The following DKK2 variants were observed in gnomAD, a reference collection of about 807,000 sequenced individuals.
DKK2 encodes dickkopf Wnt signaling pathway inhibitor 2.
DKK2 carries 11 observed loss-of-function variants against 28.1 expected under a neutral mutation model. The ratio of observed to expected loss-of-function variants is 0.39; its 90% confidence interval spans 0.25 to 0.65. The LOEUF (loss-of-function observed/expected upper bound fraction) is 0.65. DKK2 is among the 30% of genes least tolerant of loss of function. DKK2 has a pLI of 0.47. For missense variants in DKK2, 326 were observed against 335.5 expected (o/e 0.97, Z 0.22); for synonymous variants, 135 against 126.5 (o/e 1.07, Z -0.45).
rs976929836 is a variant in DKK2, at chr4:107,013,597, A to G, written c.222+21773T>C. ...GAAATTATAAAACCACCAGGAAAAA[A>G]TGCAGGAGAAATGCTTTATGACATT... is the stretch of plus-strand genomic sequence containing the variant. On this transcript the variant is annotated intron_variant, in intron 1 of 3. Coordinates refer to ENST00000285311, the MANE Select transcript of DKK2 (RefSeq NM_014421.3). Among the ~76,000 whole-genome samples the G allele has an allele frequency of 5.9e-5, 9 of 151,728 alleles. 1 individual carries two copies. Among genetic ancestry groups the G allele is most frequent in the Admixed American group, 5.9e-4 (9 of 15,194 alleles).
intron 1 of DKK2, among the ~76,000 whole-genome samples, chr4:107,015,586 T>C (rs768374957): frequency 1.3e-4 from 20 of 151,750 alleles, no homozygotes; most frequent in Non-Finnish European, 2.5e-4. Flanking sequence ...ACTAATTCAT[T>C]GGAAATTAAT....
chr4:106,936,762 G>A (rs1313147766), intron 1 of DKK2, among the ~76,000 whole-genome samples: 2 of 152,254 alleles, frequency 1.3e-5, no homozygotes, highest in South Asian at 4.1e-4. Context: ...ACTAACAGCG[G>A]ATCTCTCAGC....
rs76384577 is a variant in DKK2, at chr4:107,026,869, A to G, written c.222+8501T>C. On this transcript the variant is annotated intron_variant, in intron 1 of 3. Transcript: ENST00000285311. ...AGCAAGAAATGGGGCTTAAAATTTTATAAAGCTAAAAGTAGATGGCTGCAT... is the reference window on the plus strand; with the variant it reads ...AGCAAGAAATGGGGCTTAAAATTTTGTAAAGCTAAAAGTAGATGGCTGCAT... 2.7e-3 allele frequency among the ~76,000 whole-genome samples: 414 copies of G among 152,308 alleles called. 3 individuals carry two copies. The highest frequency in any genetic ancestry group is 9.5e-3 in the African/African-American group (396 of 41,556).
intron 1 of DKK2, among the ~76,000 whole-genome samples, chr4:107,011,773 A>G (rs1291137884): frequency 3.3e-5 from 5 of 151,156 alleles, no homozygotes. Flanking sequence ...GTTTGTTGTC[A>G]CTAGTTTGAT....
chr4:107,035,776 T>C lies in DKK2; in HGVS notation c.-185A>G, dbSNP rs1479299070. On this transcript the variant is annotated 5_prime_UTR_variant, in exon 1 of 4. Coordinates refer to ENST00000285311, the MANE Select transcript of DKK2 (RefSeq NM_014421.3). The stretch of plus-strand genomic sequence containing the variant: ...TCAGTCTCACGCCTCAGGACAGAAA[T>C]TAGCGGAACCCAAGCGAGACCCGCT... The C allele has an allele frequency of 1.6e-6, 1 of 615,574 alleles. No individual in the cohort carries two copies. Among genetic ancestry groups the C allele is most frequent in the Non-Finnish European group, 2.8e-6 (1 of 352,108 alleles). 38.1% of individuals were successfully genotyped at this position (615,574 alleles called of 1,614,324 possible).
chr4:106,961,777 A>G (rs1004902288), intron 1 of DKK2, among the ~76,000 whole-genome samples: 1 of 152,150 alleles, frequency 6.6e-6, no homozygotes, highest in African/African-American at 2.4e-5. Context: ...CCACCACTTC[A>G]AAACTGTTGA....
At position 106,924,179 on chromosome 4, in the gene DKK2, T is replaced by G. The variant is rs1405642897; in HGVS notation, c.555A>C (p.Arg185=). ...IKGHEGDPCL[R]SSDCIEGFCC... ...AAAACCCTTCAATGCAGTCTGATGA[T>G]CGTAGGCAGGGGTCTCCTTCATGCC... The change falls in exon 4 of 4, where the codon CGA becomes CGC. Residue 185 remains arginine, a synonymous_variant. Transcript: ENST00000285311. 6.2e-7 allele frequency: 1 copy of G among 1,613,910 alleles called. No individual in the cohort carries two copies. Among genetic ancestry groups the G allele is most frequent in the Admixed American group, 1.7e-5 (1 of 59,988 alleles).
At chr4:106,987,856 T>G (rs1464075537) in intron 1 of DKK2, among the ~76,000 whole-genome samples, 2 of 150,728 alleles carry the variant, frequency 1.3e-5, no homozygotes, top group African/African-American at 4.9e-5. Context: ...TGACATGATG[T>G]TACTCTCTTC....
At chr4:106,945,887 T>C (rs577455616) in intron 1 of DKK2, among the ~76,000 whole-genome samples, 8 of 152,196 alleles carry the variant, frequency 5.3e-5, no homozygotes, top group Admixed American at 1.3e-4. Flanking sequence ...GTTCAGTAAC[T>C]CTACACATAA....
chr4:106,931,926 T>C (rs1724509922), intron 1 of DKK2, among the ~76,000 whole-genome samples: 2 of 152,246 alleles, frequency 1.3e-5, no homozygotes, highest in East Asian at 1.9e-4. Flanking sequence ...AAATTTTACT[T>C]ATTTGTCACC....
chr4:107,011,479 G>C lies in DKK2; in HGVS notation c.222+23891C>G, dbSNP rs151151239. ...TCTTGTTTGTCAGTCATTCTTTTTA[G>C]GTGAAAAATTGCTATCAGTCCAGCT... On this transcript the variant is annotated intron_variant, in intron 1 of 3. Transcript: ENST00000285311. 5.2e-3 allele frequency among the ~76,000 whole-genome samples: 792 copies of C among 151,678 alleles called. 5 individuals carry two copies. The highest frequency in any genetic ancestry group is 0.018 in the African/African-American group (756 of 41,508).
At chr4:106,932,723 A>T (rs750417149) in intron 1 of DKK2, among the ~76,000 whole-genome samples, 1 of 152,212 alleles carries the variant, frequency 6.6e-6, no homozygotes, top group Non-Finnish European at 1.5e-5. Flanking sequence ...TTGTAATTGG[A>T]TAAGTATAAT....
At chr4:106,995,046 T>C (rs759663046) in intron 1 of DKK2, among the ~76,000 whole-genome samples, 2 of 152,202 alleles carry the variant, frequency 1.3e-5, no homozygotes, top group Non-Finnish European at 2.9e-5. Flanking sequence ...ATTAACCACA[T>C]ATAAAACTTG....
chr4:106,956,904 G>T (rs1466429950), intron 1 of DKK2, among the ~76,000 whole-genome samples: 2 of 150,722 alleles, frequency 1.3e-5, no homozygotes, highest in Non-Finnish European at 3.0e-5. Flanking sequence ...TGACAAATGG[G>T]ATCTAATTAA....
In DKK2 at chr4:106,923,097, T is replaced by C. The variant is rs759344975; in HGVS notation, c.*857A>G. Reference sequence around the variant, plus strand: ...AAATTTTTTTGCCATCTGTGAAAATTCTGCTCTGTGTAAGTATTTTACTAG... The same window carrying C: ...AAATTTTTTTGCCATCTGTGAAAATCCTGCTCTGTGTAAGTATTTTACTAG... On this transcript the variant is annotated 3_prime_UTR_variant, in exon 4 of 4. Transcript: ENST00000285311. 1.3e-5 allele frequency: 2 copies of C among 152,212 alleles called. No homozygotes were observed. Among genetic ancestry groups the C allele is most frequent in the Admixed American group, 6.5e-5 (1 of 15,268 alleles). The allele number at this position is 152,212 out of a possible 1,614,324, so 9.4% of individuals were successfully genotyped here.
At chr4:107,005,920 C>T (rs568984917) in intron 1 of DKK2, among the ~76,000 whole-genome samples, 1 of 152,136 alleles carries the variant, frequency 6.6e-6, no homozygotes, top group Non-Finnish European at 1.5e-5. Context: ...TCTGACAGTA[C>T]ATCAGAATCA....
Position 107,035,536 on chromosome 4 carries a change from G to T in DKK2, c.56C>A (p.Ala19Glu). 2 of 1,614,156 alleles carry T rather than the reference G, an allele frequency of 1.2e-6. No homozygotes were observed. The highest frequency in any genetic ancestry group is 1.7e-6 in the Non-Finnish European group (2 of 1,180,030). The change falls in exon 1 of 4, where the codon GCG (alanine) becomes GAG (glutamate). Residue 19 changes from alanine to glutamate, a missense_variant. Coordinates refer to ENST00000285311, the MANE Select transcript of DKK2 (RefSeq NM_014421.3). ...DSSCCLLLLA[A>E]VLMVESSQIG... ...CTGTGAGCTCTCCACCATCAGCACC[G>T]CGGCCAGTAGGAGCAGGCAGCAGGA...
At chr4:106,940,540 A>T (rs1031902877) in intron 1 of DKK2, among the ~76,000 whole-genome samples, 6 of 150,874 alleles carry the variant, frequency 4.0e-5, no homozygotes, top group Admixed American at 6.6e-5. Context: ...CCATTGTGGA[A>T]GTCAGTGTGG....
Position 106,924,209 on chromosome 4 carries a change from A to G in DKK2, c.530-5T>C, listed in dbSNP as rs949432384. 1.2e-6 allele frequency: 2 copies of G among 1,613,854 alleles called. No individual in the cohort carries two copies. Among genetic ancestry groups the G allele is most frequent in the South Asian group, 1.1e-5 (1 of 91,086 alleles). ...GGCAGGGGTCTCCTTCATGCCCTGC[A>G]GAGATGATGACCAATAGATGTTACC... On this transcript the variant is annotated splice_region_variant and splice_polypyrimidine_tract_variant and intron_variant, in intron 3 of 3. Coordinates refer to ENST00000285311, the MANE Select transcript of DKK2 (RefSeq NM_014421.3).
Sources: allele counts gnomAD v4.1 joint callset (sites outside exome capture counted in the v4.1 genomes callset), GRCh38; gene constraint gnomAD v4.1.1; transcripts MANE v1.5; gene names NCBI Gene and HGNC (gene_info 2026-07-23, HGNC 2026-07-21).